The following MMP16 variants were observed in gnomAD, a reference collection of about 807,000 sequenced individuals.
MMP16 encodes the protein matrix metallopeptidase 16.
In MMP16, 12 loss-of-function variants were observed where a neutral mutation model predicts 67.8. That is an observed-to-expected ratio of 0.18 (90% CI 0.11 to 0.29). The LOEUF (loss-of-function observed/expected upper bound fraction) is 0.29, where lower values mean the gene tolerates loss of function less well. Among genes scored for constraint, MMP16 ranks in the 10% least tolerant of loss-of-function variants. The pLI, the probability that MMP16 is intolerant of heterozygous loss-of-function variation, is 1.00. For missense variants in MMP16, 475 were observed against 765.7 expected (o/e 0.62, Z 4.48); for synonymous variants, 249 against 255.9 (o/e 0.97, Z 0.26).
intron 4 of MMP16, among the ~76,000 whole-genome samples, chr8:88,128,497 A>G (rs757104059): frequency 1.3e-5 from 2 of 151,736 alleles, no homozygotes; most frequent in Non-Finnish European, 2.9e-5. Flanking sequence ...AACATTTACT[A>G]TAGGAAACTT....
At position 88,041,894 on chromosome 8, in the gene MMP16, T is replaced by C. The variant is rs1011153208; in HGVS notation, c.1490-99A>G. 12 of 881,902 alleles carry C rather than the reference T, an allele frequency of 1.4e-5. No homozygotes were observed. In the African/African-American group the frequency reaches 1.7e-4, roughly 12 times the overall value. The allele number at this position is 881,902 out of a possible 1,614,324, so 54.6% of individuals were successfully genotyped here. On this transcript the variant is annotated intron_variant, in intron 9 of 9. Coordinates refer to ENST00000286614, the MANE Select transcript of MMP16 (RefSeq NM_005941.5). This position sits in a 1 kb window ranked among gnomAD's most constrained non-coding sequence, Gnocchi z 6.0. ...AATAGGCTATGTCTTAAGAGATGTA[T>C]TTTAAGGCCCTTTAATTTTCATAGG...
chr8:88,260,778 A>G (rs531496014), intron 1 of MMP16, among the ~76,000 whole-genome samples: 2 of 152,298 alleles, frequency 1.3e-5, no homozygotes, highest in South Asian at 4.1e-4. Flanking sequence ...CTAAATGACT[A>G]AAATATCCTC....
intron 1 of MMP16, among the ~76,000 whole-genome samples, chr8:88,285,654 CTATT>C (rs1195150825): frequency 6.6e-6 from 1 of 152,110 alleles, no homozygotes; most frequent in Non-Finnish European, 1.5e-5. Flanking sequence ...GATCTTGTCT[CTATT>C]TATATATTTC....
chr8:88,132,044 C>T (rs942386492), intron 4 of MMP16, among the ~76,000 whole-genome samples: 1 of 151,704 alleles, frequency 6.6e-6, no homozygotes, highest in Non-Finnish European at 1.5e-5. Context: ...TCACATACTC[C>T]CTCTGGCCTT....
chr8:88,211,190 T>C (rs980349893), intron 1 of MMP16, among the ~76,000 whole-genome samples: 4 of 152,192 alleles, frequency 2.6e-5, no homozygotes, highest in Non-Finnish European at 5.9e-5. Flanking sequence ...AAATCCACTG[T>C]CTGGTTTCAT....
chr8:88,227,928 A>G (rs1809796081), intron 1 of MMP16, among the ~76,000 whole-genome samples: 1 of 152,108 alleles, frequency 6.6e-6, no homozygotes, highest in Admixed American at 6.6e-5. Flanking sequence ...AAGGGTTAAT[A>G]TCATTAACAG....
intron 6 of MMP16, among the ~76,000 whole-genome samples, chr8:88,084,099 C>T (rs967413237): frequency 6.6e-6 from 1 of 151,926 alleles, no homozygotes; most frequent in Non-Finnish European, 1.5e-5. Flanking sequence ...ATTTTTCATG[C>T]ACTTGTGTGT....
chr8:88,105,667 T>C (rs1013904545), intron 6 of MMP16, among the ~76,000 whole-genome samples: 1 of 151,416 alleles, frequency 6.6e-6, no homozygotes, highest in Non-Finnish European at 1.5e-5. Flanking sequence ...GAAAACACTT[T>C]TCAGATTCTC....
intron 1 of MMP16, among the ~76,000 whole-genome samples, chr8:88,223,640 A>T (rs933312907): frequency 7.2e-6 from 1 of 139,252 alleles, no homozygotes; most frequent in African/African-American, 2.7e-5. Context: ...GGAACTGAAC[A>T]ATGAAAGCAC....
chr8:88,244,903 G>A (rs542633790), intron 1 of MMP16, among the ~76,000 whole-genome samples: 2 of 152,170 alleles, frequency 1.3e-5, no homozygotes, highest in East Asian at 3.9e-4. Context: ...TGTGCCTCAG[G>A]CTGTCAATAA....
chr8:88,306,056 GAA>G (rs1310852954), intron 1 of MMP16, among the ~76,000 whole-genome samples: 1 of 150,590 alleles, frequency 6.6e-6, no homozygotes, highest in African/African-American at 2.4e-5. Flanking sequence ...TAAGGAAAAA[GAA>G]AAGAGAGAAG....
chr8:88,180,988 C>T (rs545675168), intron 3 of MMP16, among the ~76,000 whole-genome samples: 1 of 152,166 alleles, frequency 6.6e-6, no homozygotes, highest in South Asian at 2.1e-4. Flanking sequence ...AAATCCAACG[C>T]CCATTCACAA....
chr8:88,187,087 G>A (rs1231882393), intron 2 of MMP16, among the ~76,000 whole-genome samples: 1 of 152,128 alleles, frequency 6.6e-6, no homozygotes, highest in Non-Finnish European at 1.5e-5. Flanking sequence ...GCAGTCAACT[G>A]TTTGTTCAAA....
In MMP16 at chr8:88,088,760, C is replaced by G. The variant is rs115863176; in HGVS notation, c.1084-14017G>C. ...TTACACTCAAGGTAAGTCCTCAACA[C>G]ACAACTTGCTGTGGAGTAAAATAGT... On this transcript the variant is annotated intron_variant, in intron 6 of 9. Transcript: ENST00000286614. 2.7e-3 allele frequency among the ~76,000 whole-genome samples: 414 copies of G among 152,178 alleles called. 3 individuals are homozygous for G. Among genetic ancestry groups the G allele is most frequent in the African/African-American group, 9.6e-3 (400 of 41,548 alleles).
At chr8:88,282,911 G>A (rs1179601270) in intron 1 of MMP16, among the ~76,000 whole-genome samples, 1 of 152,006 alleles carries the variant, frequency 6.6e-6, no homozygotes, top group African/African-American at 2.4e-5. Flanking sequence ...TATTGTTTAA[G>A]TCAAGCTTAT....
At position 88,278,526 on chromosome 8, in the gene MMP16, A is replaced by G. The variant is rs139183147; in HGVS notation, c.132+48549T>C. ...CTACATTAATTACCATGGAAGACAC[A>G]TCAAGCTTATAGCAGCTGTACACAT... On this transcript the variant is annotated intron_variant, in intron 1 of 9. Transcript: ENST00000286614. 2.6e-3 allele frequency among the ~76,000 whole-genome samples: 394 copies of G among 152,346 alleles called. 4 individuals carry two copies. In the Middle Eastern group the frequency reaches 0.031, roughly 12 times the overall value.
intron 1 of MMP16, among the ~76,000 whole-genome samples, chr8:88,299,973 T>C (rs1374475235): frequency 6.6e-6 from 1 of 152,208 alleles, no homozygotes; most frequent in Non-Finnish European, 1.5e-5. Context: ...AGAATGCATA[T>C]TCATATTACT....
At chr8:88,091,134 C>T (rs945303713) in intron 6 of MMP16, among the ~76,000 whole-genome samples, 1 of 151,744 alleles carries the variant, frequency 6.6e-6, no homozygotes, top group African/African-American at 2.4e-5. Context: ...AGAAGTCACT[C>T]ATATGATTAA....
intron 1 of MMP16, among the ~76,000 whole-genome samples, chr8:88,313,724 G>T (rs1169168799): frequency 2.0e-5 from 3 of 152,032 alleles, no homozygotes; most frequent in African/African-American, 7.2e-5. Context: ...ACCCAAGACT[G>T]GGCAATTTAC....
Sources: gnomAD v4.1 joint callset for allele counts (sites outside exome capture counted in the v4.1 genomes callset) on GRCh38, gnomAD v4.1.1 for gene constraint, Gnocchi (gnomAD v3.1) non-coding constraint, MANE v1.5 for transcripts, NCBI Gene and HGNC (gene_info 2026-07-23, HGNC 2026-07-21) for gene names.